Variants in ATR observed in about 807,000 individuals in gnomAD.
ATR encodes serine/threonine-protein kinase ATR.
ATR carries 142 observed loss-of-function variants against 305.3 expected under a neutral mutation model. The observed-to-expected ratio is 0.47, with a 90% CI of 0.41 to 0.53. ATR has a LOEUF of 0.53. Among genes scored for constraint, ATR ranks in the 20% least tolerant of loss-of-function variants. ATR has a pLI of 0.00. For synonymous variants in ATR, 1,050 were observed against 1,068.1 expected, an observed-to-expected ratio of 0.98 and a Z score of 0.33; for missense variants, 2,135 against 3,133.1, an observed-to-expected ratio of 0.68 and a Z score of 7.60.
At position 142,453,243 on chromosome 3, in the gene ATR, A is replaced by T. The variant is rs2070831243; in HGVS notation, c.7656-10T>A. The T allele has an allele frequency of 6.2e-7, 1 of 1,610,248 alleles. No individual in the cohort carries two copies. Among genetic ancestry groups the T allele is most frequent in the African/African-American group, 1.3e-5 (1 of 74,866 alleles). On this transcript the variant is annotated splice_polypyrimidine_tract_variant and intron_variant, in intron 45 of 46. Coordinates refer to ENST00000350721, the MANE Select transcript of ATR (RefSeq NM_001184.4). Reference sequence around the variant, plus strand: ...AAAAGTCTTTAAGACACTAAAATTGAAACAAATATTATGGTATGATGTTAT... The same window carrying T: ...AAAAGTCTTTAAGACACTAAAATTGTAACAAATATTATGGTATGATGTTAT...
At chr3:142,522,604 G>T in intron 23 of ATR, 124 bp downstream of exon 23, 2 of 852,200 alleles carry the variant, frequency 2.3e-6, no homozygotes, top group Non-Finnish European at 3.9e-6. Context: ...TGTTTATCAT[G>T]AACTTGTATA....
In ATR at chr3:142,561,431, T is replaced by C. The variant is rs1553771912; in HGVS notation, c.1171-10A>G. On this transcript the variant is annotated splice_polypyrimidine_tract_variant and intron_variant, in intron 4 of 46. Transcript: ENST00000350721. ...GTGGGCCCAACAAGTACTGAGAAAA[T>C]AAAAAATAATTTCCAGAAATATTCC... 4 of 1,607,826 alleles carry C rather than the reference T, an allele frequency of 2.5e-6. No individual in the cohort carries two copies. The highest frequency in any genetic ancestry group is 3.4e-6 in the Non-Finnish European group (4 of 1,175,818).
chr3:142,472,337 T>G (rs1452291113), intron 36 of ATR: 1 of 152,142 alleles, frequency 6.6e-6, no homozygotes, highest in Admixed American at 6.6e-5. Flanking sequence ...TTTTAAGGAA[T>G]CTCCATACTG....
At chr3:142,538,836 G>GGGGCAGAATTAATAATAAAAAAAA (rs2033952828) in intron 18 of ATR, among the ~76,000 whole-genome samples, 1 of 151,998 alleles carries the variant, frequency 6.6e-6, no homozygotes, top group African/African-American at 2.4e-5. Flanking sequence ...AACAGTGTTT[G>GGGGCAGAATTAATAATAAAAAAAA]GGGCAGAATT....
At chr3:142,501,185 A>T (rs2031944099) in intron 30 of ATR, among the ~76,000 whole-genome samples, 1 of 152,156 alleles carries the variant, frequency 6.6e-6, no homozygotes, top group African/African-American at 2.4e-5. Context: ...TTCACAACCC[A>T]AATCAGGAGG....
intron 46 of ATR, chr3:142,452,183 C>A: frequency 9.9e-7 from 1 of 1,006,190 alleles, no homozygotes; most frequent in Non-Finnish European, 1.2e-6. Context: ...CAGGTCTAGC[C>A]TTCCTCGAGC....
At chr3:142,454,437 C>CTTTTTTTTTTTTTTT (rs760823609) in intron 45 of ATR, among the ~76,000 whole-genome samples, 6 of 101,476 alleles carry the variant, frequency 5.9e-5, no homozygotes, top group African/African-American at 2.5e-4. Context: ...TGATAGACAG[C>CTTTTTTTTTTTTTTT]TTTTTTTTTT....
Position 142,453,166 on chromosome 3 carries a change from C to T in ATR, c.7723G>A (p.Ala2575Thr). Reference sequence around the variant, plus strand: ...ACTTCTCCAGTTTCATTCAGTGGCGCTTTGGAATGCCCTTTCACTGGTTTA... The same window carrying T: ...ACTTCTCCAGTTTCATTCAGTGGCGTTTTGGAATGCCCTTTCACTGGTTTA... ...WSKPVKGHSK[A>T]PLNETGEVVN... Residue 2575 changes from alanine to threonine, a missense_variant, in exon 46 of 47, where the codon GCG becomes ACG. Transcript: ENST00000350721. 1.2e-6 allele frequency: 2 copies of T among 1,614,094 alleles called. No individual in the cohort carries two copies. Among genetic ancestry groups the T allele is most frequent in the Non-Finnish European group, 1.7e-6 (2 of 1,179,992 alleles).
intron 36 of ATR, 60 bp from the exon 37 acceptor site, chr3:142,470,243 T>C (rs559722251): frequency 2.2e-5 from 30 of 1,345,852 alleles, no homozygotes; most frequent in Non-Finnish European, 3.0e-5. Flanking sequence ...ATTATACGAA[T>C]TAAAATTTAA....
intron 16 of ATR, among the ~76,000 whole-genome samples, chr3:142,544,870 G>A (rs1196543021): frequency 6.6e-6 from 1 of 152,104 alleles, no homozygotes; most frequent in Non-Finnish European, 1.5e-5. Flanking sequence ...AAATCATCTG[G>A]TTTTTAAAAT....
intron 13 of ATR, among the ~76,000 whole-genome samples, chr3:142,552,067 C>T (rs1227425927): frequency 1.3e-5 from 2 of 151,982 alleles, no homozygotes; most frequent in African/African-American, 2.4e-5. Flanking sequence ...AAAAGCTCAA[C>T]ATCACTGATC....
chr3:142,530,458 G>A (rs1054423934), intron 21 of ATR, among the ~76,000 whole-genome samples: 2 of 152,062 alleles, frequency 1.3e-5, no homozygotes, highest in Admixed American at 6.6e-5. Context: ...TTGTCTTACA[G>A]GAACCTTGCA....
chr3:142,469,844 A>G (rs1375178989), intron 37 of ATR, among the ~76,000 whole-genome samples: 1 of 152,208 alleles, frequency 6.6e-6, no homozygotes, highest in Non-Finnish European at 1.5e-5. Flanking sequence ...ACACATTTTA[A>G]TATGTGTTAG....
intron 35 of ATR, 151 bp downstream of exon 35, chr3:142,492,981 A>C: frequency 1.5e-6 from 1 of 687,200 alleles, no homozygotes; most frequent in Non-Finnish European, 2.3e-6. Context: ...TCATGAGTAT[A>C]TTTATTTTGT....
intron 17 of ATR, 92 bp downstream of exon 17, chr3:142,542,573 T>C (rs2034091840): frequency 1.7e-6 from 2 of 1,166,472 alleles, no homozygotes; most frequent in Admixed American, 1.9e-5. Context: ...TATTTGGTTA[T>C]TTCTCATCTT....
intron 36 of ATR, among the ~76,000 whole-genome samples, chr3:142,474,095 T>A (rs1219289268): frequency 1.3e-5 from 2 of 151,972 alleles, no homozygotes; most frequent in Non-Finnish European, 2.9e-5. Flanking sequence ...CCTGGCTAAT[T>A]TTTGTATTTT....
At chr3:142,553,493 C>A in intron 12 of ATR, 95 bp from the exon 13 acceptor site, 1 of 1,477,154 alleles carries the variant, frequency 6.8e-7, no homozygotes. Context: ...ATCCCAGAAA[C>A]AAACGGAAAT....
chr3:142,569,624 GT>G (rs534874681), intron 1 of ATR, among the ~76,000 whole-genome samples: 10 of 145,938 alleles, frequency 6.9e-5, no homozygotes, highest in Non-Finnish European at 1.5e-4. Flanking sequence ...GCCCAACTGT[GT>G]TTTTTTTTTG....
intron 8 of ATR, among the ~76,000 whole-genome samples, chr3:142,557,915 G>T (rs1157042322): frequency 6.6e-6 from 1 of 152,190 alleles, no homozygotes; most frequent in Non-Finnish European, 1.5e-5. Context: ...TTACAGGCGT[G>T]AGCCACCGTG....
Sources: allele counts gnomAD v4.1 joint callset (sites outside exome capture counted in the v4.1 genomes callset), GRCh38; gene constraint gnomAD v4.1.1; transcripts MANE v1.5; gene names NCBI Gene and HGNC (gene_info 2026-07-23, HGNC 2026-07-21).